CSMD1: variants seen among roughly 807,000 people sequenced by gnomAD.
CSMD1 encodes CUB and Sushi multiple domains 1, also known as CUB and sushi domain-containing protein 1.
CSMD1 carries 213 observed loss-of-function variants against 417.5 expected under a neutral mutation model. The observed-to-expected ratio is 0.51, with a 90% CI of 0.46 to 0.57. CSMD1 has a LOEUF of 0.57. Among genes scored for constraint, CSMD1 ranks in the 20% least tolerant of loss-of-function variants. The pLI is 0.00. For missense variants in CSMD1, 6,923 were observed against 4,529.7 expected, an observed-to-expected ratio of 1.53 and a Z score of -15.17; for synonymous variants, 2,862 against 1,736.8, an observed-to-expected ratio of 1.65 and a Z score of -16.11.
At chr8:4,961,023 A>G (rs1307627993) in intron 1 of CSMD1, among the ~76,000 whole-genome samples, 1 of 152,076 alleles carries the variant, frequency 6.6e-6, no homozygotes, top group Non-Finnish European at 1.5e-5. Flanking sequence ...TCTCTTACAG[A>G]AAGATTCTTC....
At chr8:3,874,662 T>C (rs78270397) in intron 5 of CSMD1, among the ~76,000 whole-genome samples, 3,122 of 152,240 alleles carry the variant, frequency 0.021, 132 homozygotes, top group African/African-American at 0.072. Context: ...TGCCATGTTT[T>C]TCTCTGTGGA....
intron 21 of CSMD1, 68 bp downstream of exon 21, chr8:3,359,084 C>A: frequency 2.6e-6 from 4 of 1,523,152 alleles, no homozygotes; most frequent in Non-Finnish European, 3.6e-6. Context: ...CCCGACCACC[C>A]TAGGCTTCTT....
At chr8:4,462,933 A>G (rs1340457389) in intron 2 of CSMD1, among the ~76,000 whole-genome samples, 1 of 152,228 alleles carries the variant, frequency 6.6e-6, no homozygotes, top group Admixed American at 6.5e-5. Context: ...TGACATCAAA[A>G]GCACAAGAAA....
rs546920545 is a variant in CSMD1 at position 3,899,272 on chromosome 8, C to T, written c.818+98631G>A. ...GGGCAGCCAAGGGAAAGGAGCTCCCCGCCCTGCTAAGAAATGGCACTTTCA... is the reference window on the plus strand; with the variant it reads ...GGGCAGCCAAGGGAAAGGAGCTCCCTGCCCTGCTAAGAAATGGCACTTTCA... On this transcript the variant is annotated intron_variant, in intron 5 of 69. Transcript: ENST00000635120. 5.9e-5 allele frequency among the ~76,000 whole-genome samples: 9 copies of T among 152,152 alleles called. No homozygotes were observed. The South Asian group carries it at 8.3e-4, about 14-fold the overall frequency.
chr8:3,106,458 G>T, intron 46 of CSMD1, 70 bp downstream of exon 46: 2 of 902,212 alleles, frequency 2.2e-6, no homozygotes, highest in East Asian at 2.6e-5. Context: ...AAGAAATGCA[G>T]ACCAATACAA....
At chr8:4,390,670 C>A (rs1047266968) in intron 3 of CSMD1, among the ~76,000 whole-genome samples, 1 of 151,696 alleles carries the variant, frequency 6.6e-6, no homozygotes, top group African/African-American at 2.4e-5. Context: ...CCCCCCACCA[C>A]GCCCGGCTAA....
In CSMD1 at chr8:3,308,329, G is replaced by C. The variant is rs199733648; in HGVS notation, c.3806C>G (p.Pro1269Arg). ...ACACTCACCTATGCACGAAGGTAGTGGTTTGTCCCACACTCTCCTGTCTCC... is the reference window on the plus strand; with the variant it reads ...ACACTCACCTATGCACGAAGGTAGTCGTTTGTCCCACACTCTCCTGTCTCC... ...LSGDRRVWDK[P>R]LPSCIAECGG... is the part of the protein sequence containing the mutation. Residue 1269 changes from proline to arginine, a missense_variant, in exon 24 of 70, where the codon CCA becomes CGA. Physicochemically the swap from Pro to Arg is moderately radical, Grantham distance 103. Coordinates refer to ENST00000635120, the MANE Select transcript of CSMD1 (RefSeq NM_033225.6). The C allele has an allele frequency of 3.2e-5, 52 of 1,611,200 alleles. No homozygotes were observed. The highest frequency in any genetic ancestry group is 3.4e-5 in the Non-Finnish European group (40 of 1,178,098).
At chr8:2,951,372 G>C in intron 65 of CSMD1, 97 bp from the exon 66 acceptor site, 2 of 1,251,470 alleles carry the variant, frequency 1.6e-6, no homozygotes, top group Middle Eastern at 1.9e-4. Flanking sequence ...CTTAGCGAGC[G>C]ATCACAGATG....
At chr8:3,060,537 C>T (rs546844475) in intron 49 of CSMD1, among the ~76,000 whole-genome samples, 71 of 152,160 alleles carry the variant, frequency 4.7e-4, no homozygotes, top group Non-Finnish European at 1.2e-4. Context: ...ACTTACTTGG[C>T]TAGGAAGTTA....
chr8:3,207,093 A>G (rs1414658003), intron 30 of CSMD1, among the ~76,000 whole-genome samples: 1 of 148,464 alleles, frequency 6.7e-6, no homozygotes, highest in African/African-American at 2.5e-5. Context: ...CAGAAAGATT[A>G]TATTTCTACA....
intron 3 of CSMD1, among the ~76,000 whole-genome samples, chr8:4,078,892 AATAAATATATATAT>A (rs1799972447): frequency 1.1e-5 from 1 of 91,700 alleles, no homozygotes; most frequent in South Asian, 3.4e-4. Flanking sequence ...TAATAATAAT[AATAAATATATATAT>A]ATATATATAT....
intron 49 of CSMD1, among the ~76,000 whole-genome samples, chr8:3,065,302 G>GATA (rs1267376266): frequency 9.8e-5 from 13 of 132,892 alleles, no homozygotes; most frequent in South Asian, 2.7e-4. Flanking sequence ...TAGATAGATA[G>GATA]GTAGATAGAT....
intron 26 of CSMD1, among the ~76,000 whole-genome samples, chr8:3,267,345 G>A (rs183488899): frequency 4.6e-5 from 7 of 152,228 alleles, no homozygotes; most frequent in Admixed American, 2.6e-4. Context: ...TATCGCGTAC[G>A]AAAGGGGTGT....
intron 3 of CSMD1, among the ~76,000 whole-genome samples, chr8:4,332,318 C>G (rs1158566161): frequency 6.6e-6 from 1 of 152,068 alleles, no homozygotes; most frequent in Non-Finnish European, 1.5e-5. Context: ...TCAGTCCTTT[C>G]TCATATGAGG....
intron 3 of CSMD1, among the ~76,000 whole-genome samples, chr8:4,194,168 C>T (rs550305174): frequency 6.6e-6 from 1 of 152,096 alleles, no homozygotes; most frequent in Non-Finnish European, 1.5e-5. Context: ...AAATATTGCC[C>T]TATCAAGTCT....
intron 1 of CSMD1, among the ~76,000 whole-genome samples, chr8:4,852,097 T>C (rs750821195): frequency 5.9e-5 from 9 of 152,222 alleles, no homozygotes; most frequent in Admixed American, 1.3e-4. Flanking sequence ...TTTATATCTT[T>C]TACTTGTGAA....
At chr8:4,001,160 G>A (rs1047933956) in intron 4 of CSMD1, among the ~76,000 whole-genome samples, 1 of 152,166 alleles carries the variant, frequency 6.6e-6, no homozygotes. Flanking sequence ...TCGTATTTAT[G>A]TGCATGGTAT....
At chr8:4,314,083 C>G (rs993571474) in intron 3 of CSMD1, among the ~76,000 whole-genome samples, 2 of 151,730 alleles carry the variant, frequency 1.3e-5, no homozygotes, top group African/African-American at 4.8e-5. Context: ...CTTTCTGTGT[C>G]CTGGAGATGG....
chr8:3,924,873 G>T (rs1290860843), intron 5 of CSMD1, among the ~76,000 whole-genome samples: 1 of 151,458 alleles, frequency 6.6e-6, no homozygotes, highest in Non-Finnish European at 1.5e-5. Flanking sequence ...ATTTCTTTAG[G>T]GTTTGGTACT....
Sources: allele counts gnomAD v4.1 joint callset (sites outside exome capture counted in the v4.1 genomes callset), GRCh38; gene constraint gnomAD v4.1.1; transcripts MANE v1.5; gene names NCBI Gene and HGNC (gene_info 2026-07-23, HGNC 2026-07-21).